The following PCDHA1 variants were observed in gnomAD, a reference collection of about 807,000 sequenced individuals.
PCDHA1 encodes the protein protocadherin alpha 1, also known as protocadherin alpha-1.
A neutral mutation model predicts 61.3 loss-of-function variants in PCDHA1; 42 were observed. The ratio of observed to expected loss-of-function variants is 0.69; its 90% CI spans 0.54 to 0.89. The LOEUF (loss-of-function observed/expected upper bound fraction) is 0.89. Among genes scored for constraint, PCDHA1 ranks in the 40% least tolerant of loss-of-function variants. The pLI is 0.00. For missense variants in PCDHA1, 1,256 were observed against 1,235.3 expected, an observed-to-expected ratio of 1.02 and a Z score of -0.25; for synonymous variants, 610 against 553.8, an observed-to-expected ratio of 1.10 and a Z score of -1.43.
At chr5:140,827,617 C>G (rs2150148430) in intron 1 of PCDHA1, among the ~76,000 whole-genome samples, 1 of 152,176 alleles carries the variant, frequency 6.6e-6, no homozygotes, top group Non-Finnish European at 1.5e-5. Context: ...TTCTTTTCTA[C>G]CAAGAGTGTA....
chr5:140,797,142 A>C, intron 1 of PCDHA1: 2 of 1,613,904 alleles, frequency 1.2e-6, no homozygotes, highest in Non-Finnish European at 1.7e-6. Context: ...GCTCGGTGCC[A>C]CCCACCGAGG....
intron 1 of PCDHA1, among the ~76,000 whole-genome samples, chr5:140,794,245 C>T (rs1389969536): frequency 2.0e-5 from 3 of 152,158 alleles, no homozygotes; most frequent in Admixed American, 1.3e-4. Flanking sequence ...GAACCATCCA[C>T]GGATGCTTGA....
At chr5:140,807,997 C>A (rs1562213724) in intron 1 of PCDHA1, 4 of 1,613,450 alleles carry the variant, frequency 2.5e-6, no homozygotes, top group Middle Eastern at 1.7e-4. Context: ...CAGATTTAGA[C>A]GAAGGATTGA....
chr5:140,857,164 C>T, intron 1 of PCDHA1: 1 of 1,598,342 alleles, frequency 6.3e-7, no homozygotes, highest in Non-Finnish European at 8.6e-7. Context: ...CCCTAATCAG[C>T]GTTTCTGACC....
chr5:140,855,791 A>T, intron 1 of PCDHA1: 1 of 446,278 alleles, frequency 2.2e-6, no homozygotes, highest in Non-Finnish European at 4.0e-6. Flanking sequence ...AAAAAGAATT[A>T]ACATATGAAT....
At chr5:140,931,783 T>A (rs2087751344) in intron 1 of PCDHA1, among the ~76,000 whole-genome samples, 1 of 151,996 alleles carries the variant, frequency 6.6e-6, no homozygotes, top group African/African-American at 2.4e-5. Context: ...TTCAATTACC[T>A]ATTGATCTGA....
At position 140,803,137 on chromosome 5, in the gene PCDHA1, T is replaced by C. The variant is rs149374718; in HGVS notation, c.2394+14453T>C. On this transcript the variant is annotated intron_variant, in intron 1 of 3. Coordinates refer to ENST00000504120, the MANE Select transcript of PCDHA1 (RefSeq NM_018900.4). ...GAGGTGGACGCCCCGCGCCATCGCC[T>C]ACTGGTGCTGGTGAAGGACCACGGT... The C allele has an allele frequency of 6.1e-4, 989 of 1,613,848 alleles. 3 individuals carry two copies. The Middle Eastern group carries it at 8.6e-3, about 14-fold the overall frequency.
intron 1 of PCDHA1, chr5:140,808,708 C>G (rs1212194365): frequency 2.0e-5 from 32 of 1,612,022 alleles, no homozygotes; most frequent in Non-Finnish European, 2.5e-5. Flanking sequence ...TGTCGAGCTA[C>G]GTTTCGGTGC....
At chr5:140,850,645 T>G in intron 1 of PCDHA1, 1 of 1,598,542 alleles carries the variant, frequency 6.3e-7, no homozygotes. Flanking sequence ...ACGCTGCTGC[T>G]GTACACTGTG....
rs375332226 is a variant in PCDHA1 at position 141,003,567 on chromosome 5, ACTCCCAAAGTG to A, written c.2543-6057_2543-6047del. Among the ~76,000 whole-genome samples, 186 of 152,020 alleles carry A rather than the reference ACTCCCAAAGTG, an allele frequency of 1.2e-3. 1 individual carries two copies. Among genetic ancestry groups the A allele is most frequent in the African/African-American group, 4.1e-3 (172 of 41,464 alleles). On this transcript the variant is annotated intron_variant, in intron 3 of 3. Coordinates refer to ENST00000504120, the MANE Select transcript of PCDHA1 (RefSeq NM_018900.4). ...GCTTCAAGTGATCCACCTGCCTCAGACTCCCAAAGTGCTGGGATTTTAGATGTGAGCCACCA... is the reference window on the plus strand; with the variant it reads ...GCTTCAAGTGATCCACCTGCCTCAGACTGGGATTTTAGATGTGAGCCACCA...
At chr5:140,966,670 G>C in intron 1 of PCDHA1, 1 of 1,283,064 alleles carries the variant, frequency 7.8e-7, no homozygotes, top group Non-Finnish European at 1.0e-6. Flanking sequence ...AGCAGGCGCA[G>C]GGTGGCACGA....
At chr5:140,842,970 C>T in intron 1 of PCDHA1, 1 of 1,594,990 alleles carries the variant, frequency 6.3e-7, no homozygotes, top group Non-Finnish European at 8.6e-7. Flanking sequence ...AGCAACGTGA[C>T]GCTGCAGGTG....
intron 1 of PCDHA1, among the ~76,000 whole-genome samples, chr5:140,921,063 T>G (rs1054649837): frequency 6.6e-6 from 1 of 152,078 alleles, no homozygotes; most frequent in Admixed American, 6.6e-5. Context: ...CACTCTAACC[T>G]TGAACTCTTG....
intron 1 of PCDHA1, among the ~76,000 whole-genome samples, chr5:140,884,893 G>T (rs1186873075): frequency 1.3e-5 from 2 of 152,138 alleles, no homozygotes; most frequent in East Asian, 1.9e-4. Context: ...AGAATATTTT[G>T]TTTCTGTTGT....
At chr5:140,911,299 T>A (rs1583781432) in intron 1 of PCDHA1, among the ~76,000 whole-genome samples, 1 of 152,154 alleles carries the variant, frequency 6.6e-6, no homozygotes, top group Non-Finnish European at 1.5e-5. Flanking sequence ...CTTTTACATA[T>A]CCCCATTCCA....
At chr5:140,857,791 G>T in intron 1 of PCDHA1, 1 of 1,597,714 alleles carries the variant, frequency 6.3e-7, no homozygotes, top group Non-Finnish European at 8.6e-7. Context: ...AGCTGGTGCT[G>T]CGGTCGGTGG....
intron 1 of PCDHA1, among the ~76,000 whole-genome samples, chr5:140,962,940 A>G (rs1441801947): frequency 1.3e-5 from 2 of 152,186 alleles, no homozygotes; most frequent in African/African-American, 4.8e-5. Context: ...CCTCCTCTCC[A>G]TAAGATATGC....
At chr5:140,806,853 G>C (rs3756337) in intron 1 of PCDHA1, 133,484 of 296,122 alleles carry the variant, frequency 0.45, 31,281 homozygotes, top group South Asian at 0.54. Context: ...CAATCAATCA[G>C]TGGTACAATG....
At chr5:140,791,109 G>C (rs1562142353) in intron 1 of PCDHA1, among the ~76,000 whole-genome samples, 1 of 152,334 alleles carries the variant, frequency 6.6e-6, no homozygotes, top group East Asian at 1.9e-4. Context: ...GGACCTTAGA[G>C]ACTTGTGGTC....
Sources: gnomAD v4.1 joint callset for allele counts (sites outside exome capture counted in the v4.1 genomes callset) on GRCh38, gnomAD v4.1.1 for gene constraint, MANE v1.5 for transcripts, NCBI Gene and HGNC (gene_info 2026-07-23, HGNC 2026-07-21) for gene names.